Variants in CDH18 observed in about 807,000 individuals in gnomAD.
CDH18 encodes the protein cadherin 18.
CDH18 carries 31 observed loss-of-function variants against 67.9 expected under a neutral mutation model. The observed-to-expected ratio is 0.46, with a 90% confidence interval of 0.34 to 0.62. The LOEUF (loss-of-function observed/expected upper bound fraction) is 0.62, where lower values mean the gene tolerates loss of function less well. CDH18 is among the 20% of genes least tolerant of loss of function. The pLI, the probability that CDH18 is intolerant of heterozygous loss-of-function variation, is 0.01. For missense variants in CDH18, 890 were observed against 975.5 expected (o/e 0.91, Z 1.17); for synonymous variants, 362 against 347.2 (o/e 1.04, Z -0.48).
At chr5:19,942,403 A>G (rs1794912730) in intron 2 of CDH18, among the ~76,000 whole-genome samples, 1 of 152,216 alleles carries the variant, frequency 6.6e-6, no homozygotes, top group Admixed American at 6.6e-5. Flanking sequence ...GAATGCTACC[A>G]TTTAGAAGTG....
intron 2 of CDH18, among the ~76,000 whole-genome samples, chr5:20,153,100 G>A (rs183829335): frequency 5.3e-5 from 8 of 151,846 alleles, no homozygotes; most frequent in Admixed American, 2.6e-4. Context: ...ATGCCACCAC[G>A]TCCAGCTAAT....
At chr5:19,670,520 G>T (rs1318378276) in intron 5 of CDH18, among the ~76,000 whole-genome samples, 1 of 152,084 alleles carries the variant, frequency 6.6e-6, no homozygotes, top group Admixed American at 6.6e-5. Context: ...TCTAAGGATT[G>T]GAGAATATTG....
chr5:20,392,838 C>CT (rs1488841827), intron 1 of CDH18, among the ~76,000 whole-genome samples: 3 of 151,746 alleles, frequency 2.0e-5, no homozygotes, highest in East Asian at 1.9e-4. Flanking sequence ...TGGTTCAGCA[C>CT]TTTTTTTATT....
At chr5:19,578,540 G>GT (rs1041740848) in intron 7 of CDH18, among the ~76,000 whole-genome samples, 16 of 146,104 alleles carry the variant, frequency 1.1e-4, no homozygotes, top group Middle Eastern at 3.7e-3. Flanking sequence ...ATTAGTTTAG[G>GT]TTTTTTTTTT....
At chr5:19,985,465 G>C (rs952631876) in intron 1 of CDH18, among the ~76,000 whole-genome samples, 1 of 151,956 alleles carries the variant, frequency 6.6e-6, no homozygotes, top group Non-Finnish European at 1.5e-5. Context: ...CTCCCCAGGG[G>C]ATAGTTAACA....
chr5:19,554,229 C>A (rs192385867), intron 8 of CDH18, among the ~76,000 whole-genome samples: 90 of 152,306 alleles, frequency 5.9e-4, no homozygotes, highest in Admixed American at 3.7e-3. Context: ...TAAACCTCTG[C>A]ACATGCAATT....
intron 3 of CDH18, among the ~76,000 whole-genome samples, chr5:19,766,759 T>G (rs910108207): frequency 2.0e-5 from 3 of 152,160 alleles, no homozygotes; most frequent in African/African-American, 7.2e-5. Flanking sequence ...CCCTTCAAAC[T>G]AGATAGTTTC....
chr5:20,279,825 T>C (rs539174843), intron 1 of CDH18, among the ~76,000 whole-genome samples: 122 of 135,610 alleles, frequency 9.0e-4, no homozygotes, highest in Non-Finnish European at 1.5e-3. Flanking sequence ...AGACAGAAAA[T>C]CATCAAAGAA....
intron 1 of CDH18, among the ~76,000 whole-genome samples, chr5:20,499,931 C>A (rs1754150452): frequency 6.6e-6 from 1 of 152,026 alleles, no homozygotes; most frequent in Admixed American, 6.6e-5. Context: ...ATGCCTGTTT[C>A]CCCTCACCTT....
intron 2 of CDH18, among the ~76,000 whole-genome samples, chr5:19,900,000 A>G (rs1789763878): frequency 6.6e-6 from 1 of 152,186 alleles, no homozygotes; most frequent in Admixed American, 6.5e-5. Flanking sequence ...AGTACATTCT[A>G]GAGATCTGCT....
intron 1 of CDH18, among the ~76,000 whole-genome samples, chr5:20,552,868 T>C (rs970554776): frequency 6.6e-6 from 1 of 151,996 alleles, no homozygotes; most frequent in African/African-American, 2.4e-5. Flanking sequence ...AATTCTCCTG[T>C]CTCAGCCTCC....
At chr5:20,326,577 C>T (rs1233765653) in intron 1 of CDH18, among the ~76,000 whole-genome samples, 1 of 142,308 alleles carries the variant, frequency 7.0e-6, no homozygotes, top group African/African-American at 2.6e-5. Context: ...CTCGCTCTGT[C>T]GCCCAGGCTG....
intron 8 of CDH18, among the ~76,000 whole-genome samples, chr5:19,561,561 G>A (rs898699998): frequency 6.6e-6 from 1 of 152,082 alleles, no homozygotes; most frequent in African/African-American, 2.4e-5. Context: ...AGTGTATACT[G>A]ATCAGGTGAT....
chr5:19,572,674 T>C (rs1471131365), intron 7 of CDH18, among the ~76,000 whole-genome samples: 1 of 152,182 alleles, frequency 6.6e-6, no homozygotes, highest in Non-Finnish European at 1.5e-5. Flanking sequence ...TGTCTCTTCT[T>C]ATAAAGACAC....
chr5:20,206,566 T>C (rs1739908007), intron 2 of CDH18, among the ~76,000 whole-genome samples: 2 of 151,966 alleles, frequency 1.3e-5, no homozygotes. Flanking sequence ...GGTGAATACA[T>C]ATGTCAAAAT....
intron 2 of CDH18, among the ~76,000 whole-genome samples, chr5:19,896,798 T>C (rs1190577802): frequency 6.6e-6 from 1 of 152,228 alleles, no homozygotes; most frequent in Non-Finnish European, 1.5e-5. Flanking sequence ...TGGTGGACTA[T>C]ATTACTACCA....
intron 2 of CDH18, among the ~76,000 whole-genome samples, chr5:20,001,335 G>A (rs1736423884): frequency 6.6e-6 from 1 of 152,038 alleles, no homozygotes. Flanking sequence ...CCCCTACTGA[G>A]TGTATAGGTG....
At chr5:20,222,064 G>T (rs1379060781) in intron 2 of CDH18, among the ~76,000 whole-genome samples, 1 of 151,994 alleles carries the variant, frequency 6.6e-6, no homozygotes, top group Admixed American at 6.6e-5. Flanking sequence ...GACCACCTTG[G>T]TTTAGAGAGA....
chr5:19,997,818 C>T (rs1052523000), intron 2 of CDH18, among the ~76,000 whole-genome samples: 13 of 151,946 alleles, frequency 8.6e-5, no homozygotes, highest in African/African-American at 2.7e-4. Flanking sequence ...CATAAAGGCA[C>T]GCATAGGGTG....
Sources: gnomAD v4.1 joint callset for allele counts (sites outside exome capture counted in the v4.1 genomes callset) on GRCh38, gnomAD v4.1.1 for gene constraint, MANE v1.5 for transcripts, NCBI Gene and HGNC (gene_info 2026-07-23, HGNC 2026-07-21) for gene names.